RNF212B: variants seen among roughly 807,000 people sequenced by gnomAD.
RNF212B encodes ring finger protein 212B, also known as E3 ubiquitin-protein ligase RNF212B.
In RNF212B, 52 loss-of-function variants were observed where a neutral mutation model predicts 55.5. The ratio of observed to expected loss-of-function variants is 0.94; its 90% CI spans 0.75 to 1.18. RNF212B has a LOEUF of 1.18. RNF212B is among the 50% of genes most tolerant of loss of function. The probability of loss-of-function intolerance (pLI) is 0.00; values close to 1 mark genes in which losing one functional copy is unlikely to be tolerated. For synonymous variants in RNF212B, 99 were observed against 121.4 expected, an observed-to-expected ratio of 0.82 and a Z score of 1.21; for missense variants, 289 against 350.4, an observed-to-expected ratio of 0.82 and a Z score of 1.40.
chr14:23,228,231 TA>T (rs920119042), intron 2 of RNF212B, among the ~76,000 whole-genome samples: 21 of 142,860 alleles, frequency 1.5e-4, no homozygotes, highest in South Asian at 4.5e-4. Context: ...AAACTCTGTC[TA>T]AAAAAAAAAC....
rs987651132 is a variant in RNF212B at position 23,264,966 on chromosome 14, C to T, written c.634+295C>T. Among the ~76,000 whole-genome samples the T allele has an allele frequency of 2.6e-5, 4 of 152,204 alleles. No homozygotes were observed. In the East Asian group the frequency reaches 5.8e-4, roughly 22 times the overall value. On this transcript the variant is annotated intron_variant, in intron 11 of 14. Transcript: ENST00000430154. ...CCTCCCGAGTAGCTAGGATTACAGG[C>T]ATGTGCCACCACGCCTGGCTAATTC...
intron 14 of RNF212B, among the ~76,000 whole-genome samples, chr14:23,271,237 G>C (rs1410010170): frequency 6.6e-6 from 1 of 152,084 alleles, no homozygotes; most frequent in Non-Finnish European, 1.5e-5. Flanking sequence ...TCAGGAGTTA[G>C]AGACCAGCCT....
At chr14:23,264,384 ATAT>A in intron 10 of RNF212B, 150 bp downstream of exon 10, 3 of 735,924 alleles carry the variant, frequency 4.1e-6, no homozygotes, top group Non-Finnish European at 6.6e-6. Flanking sequence ...TGGAGACCTG[ATAT>A]TAGAAACTGA....
chr14:23,240,812 T>G (rs1481847743), intron 2 of RNF212B, among the ~76,000 whole-genome samples: 3 of 152,182 alleles, frequency 2.0e-5, no homozygotes, highest in Non-Finnish European at 4.4e-5. Context: ...AAAGGGGAAG[T>G]GGTCTAGTCT....
rs185912617 is a variant in RNF212B, at chr14:23,195,283, T to C, written c.-2+1882T>C. Among the ~76,000 whole-genome samples the C allele has an allele frequency of 3.1e-4, 47 of 149,770 alleles. No homozygotes were observed. The East Asian group carries it at 8.6e-3, about 27-fold the overall frequency. On this transcript the variant is annotated intron_variant, in intron 2 of 15. Coordinates refer to the RNF212B transcript ENST00000399910. ...TCTCTAAAGAAAAAAAAAAAACCCATGAGATGCAGCTAAAGTAGTATTCTG... is the reference window on the plus strand; with the variant it reads ...TCTCTAAAGAAAAAAAAAAAACCCACGAGATGCAGCTAAAGTAGTATTCTG...
intron 2 of RNF212B, among the ~76,000 whole-genome samples, chr14:23,220,191 CAA>C (rs954955167): frequency 3.0e-5 from 1 of 33,254 alleles, no homozygotes; most frequent in African/African-American, 1.2e-4. Flanking sequence ...TCGGGAAAAA[CAA>C]AAACAAAAAC....
intron 2 of RNF212B, among the ~76,000 whole-genome samples, chr14:23,217,264 G>A (rs1008921277): frequency 6.0e-5 from 9 of 150,654 alleles, no homozygotes; most frequent in Non-Finnish European, 1.0e-4. Flanking sequence ...GTGGGGGGGG[G>A]GCTCCTCTGC....
At chr14:23,266,279 GAT>G (rs1885685649) in intron 11 of RNF212B, among the ~76,000 whole-genome samples, 1 of 151,318 alleles carries the variant, frequency 6.6e-6, no homozygotes, top group African/African-American at 2.4e-5. Context: ...TGTCCTTTGT[GAT>G]TTTTGTTTTT....
At chr14:23,257,925 G>A (rs975561999) in intron 4 of RNF212B, among the ~76,000 whole-genome samples, 1 of 152,126 alleles carries the variant, frequency 6.6e-6, no homozygotes, top group African/African-American at 2.4e-5. Flanking sequence ...ACTAATAGTT[G>A]ACAAGTTAGA....
chr14:23,224,300 C>T (rs1881821051), intron 2 of RNF212B, among the ~76,000 whole-genome samples: 1 of 151,080 alleles, frequency 6.6e-6, no homozygotes, highest in African/African-American at 2.4e-5. Flanking sequence ...CCAAAGCTAT[C>T]CTGAGCAAAA....
intron 10 of RNF212B, 38 bp from the exon 11 acceptor site, chr14:23,264,585 A>G (rs1208384334): frequency 3.1e-6 from 4 of 1,276,956 alleles, no homozygotes; most frequent in Non-Finnish European, 4.1e-6. Context: ...GATAACTGAG[A>G]TATATTTATT....
chr14:23,268,736 G>T (rs549662618), intron 11 of RNF212B, among the ~76,000 whole-genome samples, 188 bp from the exon 12 acceptor site: 9 of 152,306 alleles, frequency 5.9e-5, no homozygotes, highest in African/African-American at 2.2e-4. Flanking sequence ...TCATGAAAGG[G>T]AGAGGAAAGC....
intron 14 of RNF212B, among the ~76,000 whole-genome samples, chr14:23,272,204 T>A (rs1027728150): frequency 6.6e-6 from 1 of 152,024 alleles, no homozygotes. Context: ...GATTATGAGG[T>A]CAGGAGATCG....
chr14:23,208,231 TTA>T (rs1207383957), intron 2 of RNF212B, among the ~76,000 whole-genome samples: 1 of 152,152 alleles, frequency 6.6e-6, no homozygotes, highest in Non-Finnish European at 1.5e-5. Context: ...TTCAAAAGAC[TTA>T]GGAGTCAGCC....
chr14:23,217,311 T>C (rs1594890673), intron 2 of RNF212B, among the ~76,000 whole-genome samples: 1 of 151,922 alleles, frequency 6.6e-6, no homozygotes, highest in Non-Finnish European at 1.5e-5. Context: ...AAGAACTTTA[T>C]ATTGTGGTGT....
intron 5 of RNF212B, chr14:23,259,328 A>G (rs1885115851): frequency 6.6e-6 from 1 of 150,768 alleles, no homozygotes; most frequent in Non-Finnish European, 1.5e-5. Flanking sequence ...AGCTGGGACT[A>G]CAAGTGCACA....
chr14:23,234,835 G>A (rs540762291), upstream of RNF212B, among the ~76,000 whole-genome samples: 1 of 152,370 alleles, frequency 6.6e-6, no homozygotes, highest in East Asian at 1.9e-4. Context: ...CAGCTGCTGG[G>A]GAGGCTGAGG....
chr14:23,265,947 T>C (rs1885660505), intron 11 of RNF212B, among the ~76,000 whole-genome samples: 1 of 152,156 alleles, frequency 6.6e-6, no homozygotes, highest in Non-Finnish European at 1.5e-5. Context: ...ATGCTGTGTT[T>C]TGTTTACATT....
At position 23,269,861 on chromosome 14, in the gene RNF212B, A is replaced by G. The variant is rs1375598953; in HGVS notation, c.675-2A>G. 3.0e-5 allele frequency: 46 copies of G among 1,516,214 alleles called. No homozygotes were observed. Among genetic ancestry groups the G allele is most frequent in the Non-Finnish European group, 4.1e-5 (46 of 1,116,226 alleles). 93.9% of individuals were successfully genotyped at this position (1,516,214 alleles called of 1,614,324 possible). On this transcript the variant is annotated splice_acceptor_variant, in intron 12 of 14. Coordinates refer to ENST00000430154, the MANE Select transcript of RNF212B (RefSeq NM_001282322.3). LOFTEE classifies it high-confidence loss of function. Reference sequence around the variant, plus strand: ...GCTGATGCTTTTATTTGCTTTCCTTAGAACTTCATCTGCCTCCTCTGGACA... The same window carrying G: ...GCTGATGCTTTTATTTGCTTTCCTTGGAACTTCATCTGCCTCCTCTGGACA...
Sources: allele counts gnomAD v4.1 joint callset (sites outside exome capture counted in the v4.1 genomes callset), GRCh38; gene constraint gnomAD v4.1.1; transcripts MANE v1.5; gene names NCBI Gene and HGNC (gene_info 2026-07-23, HGNC 2026-07-21).